Variants in NSUN3 observed in about 807,000 individuals in gnomAD.
The protein encoded by NSUN3 is tRNA (cytosine(34)-C(5))-methyltransferase, mitochondrial.
In NSUN3, 24 loss-of-function variants were observed where a neutral mutation model predicts 36.8. The ratio of observed to expected loss-of-function variants is 0.65; its 90% CI spans 0.47 to 0.92. The LOEUF is 0.92. NSUN3 is among the 40% of genes least tolerant of loss of function. The pLI is 0.00. For synonymous variants in NSUN3, 146 were observed against 145.2 expected (o/e 1.01, Z -0.04); for missense variants, 381 against 392.8 (o/e 0.97, Z 0.25).
intron 5 of NSUN3, 21 bp downstream of exon 5, chr3:94,095,175 A>G (rs1287476136): frequency 1.2e-6 from 2 of 1,609,486 alleles, no homozygotes; most frequent in Non-Finnish European, 1.7e-6. Context: ...TTAATACAAA[A>G]GTGTATTTTG....
chr3:94,080,849 G>A (rs2077265607), intron 2 of NSUN3, among the ~76,000 whole-genome samples: 1 of 152,212 alleles, frequency 6.6e-6, no homozygotes, highest in African/African-American at 2.4e-5. Context: ...GGGCTCCATG[G>A]GGGTGGGACC....
chr3:94,117,246 C>T (rs2077444106), intron 5 of NSUN3, among the ~76,000 whole-genome samples: 2 of 151,902 alleles, frequency 1.3e-5, no homozygotes, highest in Admixed American at 6.6e-5. Context: ...GTGATCTGTC[C>T]CCTTTGGCCT....
At chr3:94,094,904 A>C (rs2077331152) in intron 4 of NSUN3, 129 bp from the exon 5 acceptor site, 2 of 926,042 alleles carry the variant, frequency 2.2e-6, no homozygotes, top group Non-Finnish European at 3.3e-6. Context: ...GTGTATTTTC[A>C]GTTAAAAAAG....
intron 3 of NSUN3, among the ~76,000 whole-genome samples, chr3:94,088,110 C>T (rs940347530): frequency 2.6e-5 from 4 of 152,104 alleles, no homozygotes; most frequent in Admixed American, 6.5e-5. Context: ...CTTTCTCTTC[C>T]CCTGCTCCTT....
intron 5 of NSUN3, among the ~76,000 whole-genome samples, chr3:94,097,338 T>C (rs191820514): frequency 1.5e-4 from 23 of 152,266 alleles, no homozygotes; most frequent in African/African-American, 4.8e-4. Context: ...TTTATCATGA[T>C]ATGTATATTC....
chr3:94,064,391 A>AT, intron 1 of NSUN3, 46 bp from the exon 2 acceptor site: 2 of 1,162,782 alleles, frequency 1.7e-6, no homozygotes, highest in Non-Finnish European at 2.6e-6. Flanking sequence ...CGTTCAGTAA[A>AT]TTTGTAATAT....
At chr3:94,101,836 T>C (rs1309384775) in intron 5 of NSUN3, among the ~76,000 whole-genome samples, 1 of 152,166 alleles carries the variant, frequency 6.6e-6, no homozygotes, top group Non-Finnish European at 1.5e-5. Flanking sequence ...TGGGAAAATA[T>C]ACTGAAAATG....
intron 2 of NSUN3, chr3:94,081,994 A>G (rs1487774538): frequency 2.6e-5 from 4 of 152,206 alleles, no homozygotes; most frequent in African/African-American, 7.2e-5. Flanking sequence ...AGAAGAACGA[A>G]TAGAGATTTG....
At chr3:94,118,745 A>G (rs1182633163) in intron 5 of NSUN3, among the ~76,000 whole-genome samples, 1 of 152,008 alleles carries the variant, frequency 6.6e-6, no homozygotes, top group Non-Finnish European at 1.5e-5. Flanking sequence ...ACACAAGCAT[A>G]GAGAACCCAA....
At chr3:94,084,474 T>G (rs1289590539) in intron 3 of NSUN3, 24 bp downstream of exon 3, 5 of 1,536,772 alleles carry the variant, frequency 3.3e-6, no homozygotes, top group African/African-American at 1.4e-5. Context: ...CTTTCAGTAT[T>G]TGACAACTTT....
chr3:94,069,566 G>A (rs187278580), intron 2 of NSUN3, among the ~76,000 whole-genome samples: 2 of 152,258 alleles, frequency 1.3e-5, no homozygotes, highest in East Asian at 1.9e-4. Flanking sequence ...TCACTAGGAC[G>A]GAAGGTAGGG....
At chr3:94,099,124 G>T (rs1291093123) in intron 5 of NSUN3, among the ~76,000 whole-genome samples, 2 of 152,150 alleles carry the variant, frequency 1.3e-5, no homozygotes, top group African/African-American at 4.8e-5. Context: ...CAAAAATAAT[G>T]ATGTAATGAT....
Position 94,119,110 on chromosome 3 carries a change from CA to C in NSUN3, c.744-7100del, listed in dbSNP as rs562779190. 1.9e-3 allele frequency among the ~76,000 whole-genome samples: 293 copies of C among 152,258 alleles called. 2 individuals are homozygous for C. The highest frequency in any genetic ancestry group is 0.01 in the Middle Eastern group (3 of 294). On this transcript the variant is annotated intron_variant, in intron 5 of 5. Coordinates refer to ENST00000314622, the MANE Select transcript of NSUN3 (RefSeq NM_022072.5). ...AAATGTGTATAAATTGTTATGGAAG[CA>C]GATGATTTATCCCAGACATTATTGT...
At chr3:94,077,583 T>C (rs1434199959) in intron 2 of NSUN3, among the ~76,000 whole-genome samples, 1 of 152,218 alleles carries the variant, frequency 6.6e-6, no homozygotes, top group Non-Finnish European at 1.5e-5. Context: ...TTTTTTTGGT[T>C]GGTAGGCTAT....
At position 94,126,330 on chromosome 3, in the gene NSUN3, C is replaced by A. The variant is rs2077485771; in HGVS notation, c.863C>A (p.Pro288His). 6.2e-7 allele frequency: 1 copy of A among 1,613,988 alleles called. No homozygotes were observed. The highest frequency in any genetic ancestry group is 1.3e-5 in the African/African-American group (1 of 74,888). Residue 288 changes from proline (P) to histidine (H), a missense_variant, in exon 6 of 6, where the codon CCT becomes CAT. Coordinates refer to ENST00000314622, the MANE Select transcript of NSUN3 (RefSeq NM_022072.5). ...TTAAACTCCCACGGTAACATCATGC[C>A]TATGGACATTAAAGGAATAGCAAGG... ...EILNSHGNIMPMDIKGIARTC... is the reference protein window; with the variant it reads ...EILNSHGNIMHMDIKGIARTC...
intron 2 of NSUN3, among the ~76,000 whole-genome samples, chr3:94,072,991 C>T (rs935903754): frequency 6.6e-6 from 1 of 152,086 alleles, no homozygotes; most frequent in East Asian, 1.9e-4. Context: ...GTGTGATGTT[C>T]CCCTCCCTGT....
chr3:94,118,293 A>G (rs527279221), intron 5 of NSUN3, among the ~76,000 whole-genome samples: 17 of 152,318 alleles, frequency 1.1e-4, no homozygotes, highest in African/African-American at 4.1e-4. Context: ...TATATTAAAG[A>G]ATATGTAAAA....
chr3:94,129,880 G>C lies in NSUN3; in HGVS notation c.*3390G>C, dbSNP rs1270045004. ...GCAGTTTTCTGCCTCAGCCTCCCAA[G>C]TAACTGAGATCACAGGCACCCGCCA... On this transcript the variant is annotated 3_prime_UTR_variant, in exon 6 of 6. Coordinates refer to ENST00000314622, the MANE Select transcript of NSUN3 (RefSeq NM_022072.5). Among the ~76,000 whole-genome samples, 2 of 149,298 alleles carry C rather than the reference G, an allele frequency of 1.3e-5. No individual in the cohort carries two copies. Among genetic ancestry groups the C allele is most frequent in the Non-Finnish European group, 3.0e-5 (2 of 67,624 alleles).
At chr3:94,090,936 A>T (rs143372627) in intron 3 of NSUN3, among the ~76,000 whole-genome samples, 2 of 152,222 alleles carry the variant, frequency 1.3e-5, no homozygotes, top group African/African-American at 4.8e-5. Context: ...TATACCCACC[A>T]TATAAGGTAA....
Sources: allele counts gnomAD v4.1 joint callset (sites outside exome capture counted in the v4.1 genomes callset), GRCh38; gene constraint gnomAD v4.1.1; transcripts MANE v1.5; gene names NCBI Gene and HGNC (gene_info 2026-07-23, HGNC 2026-07-21).